PLCL2: variants seen among roughly 807,000 people sequenced by gnomAD.
PLCL2 encodes the protein phospholipase C like 2, also known as inactive phospholipase C-like protein 2.
PLCL2 carries 4 observed loss-of-function variants against 79.6 expected under a neutral mutation model. The ratio of observed to expected loss-of-function variants is 0.05; its 90% CI spans 0.02 to 0.11. The LOEUF is 0.11. Ranked by LOEUF, PLCL2 falls within the 10% of genes least tolerant of loss-of-function variation. PLCL2 has a pLI of 1.00. For missense variants in PLCL2, 895 were observed against 1,291.0 expected, an observed-to-expected ratio of 0.69 and a Z score of 4.70; for synonymous variants, 484 against 457.7, an observed-to-expected ratio of 1.06 and a Z score of -0.73.
intron 1 of PLCL2, among the ~76,000 whole-genome samples, chr3:16,973,676 T>A (rs2063896475): frequency 6.6e-6 from 1 of 152,216 alleles, no homozygotes; most frequent in Non-Finnish European, 1.5e-5. Context: ...ATACCTCTGC[T>A]GCTGTTGTCA....
intron 4 of PLCL2, chr3:17,044,083 G>A (rs1195859386): frequency 1.3e-5 from 2 of 152,380 alleles, no homozygotes; most frequent in East Asian, 1.9e-4. Context: ...TCAAGTTGGT[G>A]TGTGAGGCAC....
chr3:17,042,393 A>C (rs999693692), intron 3 of PLCL2, among the ~76,000 whole-genome samples: 1 of 152,246 alleles, frequency 6.6e-6, no homozygotes, highest in Admixed American at 6.5e-5. Context: ...ATGGTATCAA[A>C]TAAATAAATG....
At chr3:16,928,800 G>T (rs1257453682) in intron 1 of PLCL2, among the ~76,000 whole-genome samples, 1 of 152,172 alleles carries the variant, frequency 6.6e-6, no homozygotes, top group Non-Finnish European at 1.5e-5. Flanking sequence ...TATAAGAAAT[G>T]CTTAGTAAAT....
chr3:16,890,132 T>G (rs1696313224), intron 1 of PLCL2, among the ~76,000 whole-genome samples: 1 of 152,226 alleles, frequency 6.6e-6, no homozygotes, highest in East Asian at 1.9e-4. Context: ...CTCAAAGAGC[T>G]TTTGTCACAA....
At chr3:17,002,934 G>A (rs999142303) in intron 1 of PLCL2, among the ~76,000 whole-genome samples, 1 of 151,326 alleles carries the variant, frequency 6.6e-6, no homozygotes, top group Middle Eastern at 3.4e-3. Flanking sequence ...TTTTTTAACA[G>A]TATTTCCTTT....
At chr3:16,969,541 G>C (rs984300308) in intron 1 of PLCL2, among the ~76,000 whole-genome samples, 3 of 151,988 alleles carry the variant, frequency 2.0e-5, no homozygotes, top group Admixed American at 2.0e-4. Flanking sequence ...GGTTTTCATA[G>C]TAGTCTCTGA....
chr3:17,089,597 T>C, intron 5 of PLCL2, 136 bp from the exon 6 acceptor site: 1 of 622,452 alleles, frequency 1.6e-6, no homozygotes, highest in East Asian at 2.8e-5. Context: ...CCTATTCAGA[T>C]GCAGTGCCAA....
At chr3:16,998,014 TGAA>T (rs2064171315) in intron 1 of PLCL2, among the ~76,000 whole-genome samples, 1 of 152,190 alleles carries the variant, frequency 6.6e-6, no homozygotes, top group South Asian at 2.1e-4. Flanking sequence ...ATTTCTGACT[TGAA>T]GAGTTACTAT....
chr3:16,923,768 G>C (rs938655284), intron 1 of PLCL2, among the ~76,000 whole-genome samples: 1 of 151,930 alleles, frequency 6.6e-6, no homozygotes, highest in Non-Finnish European at 1.5e-5. Flanking sequence ...ATAATTAATG[G>C]TGTCCTACCA....
intron 3 of PLCL2, among the ~76,000 whole-genome samples, chr3:17,022,701 G>T (rs561872605): frequency 6.6e-6 from 1 of 152,140 alleles, no homozygotes; most frequent in African/African-American, 2.4e-5. Context: ...TTGAGTGGAG[G>T]AGGCAATGCT....
chr3:16,983,502 G>T (rs2064020329), intron 1 of PLCL2, among the ~76,000 whole-genome samples: 2 of 152,076 alleles, frequency 1.3e-5, no homozygotes, highest in African/African-American at 2.4e-5. Flanking sequence ...AACCCCGTCT[G>T]TACCAAAAAT....
At chr3:16,926,693 G>A (rs551522116) in intron 1 of PLCL2, among the ~76,000 whole-genome samples, 2 of 151,586 alleles carry the variant, frequency 1.3e-5, no homozygotes, top group East Asian at 1.9e-4. Flanking sequence ...GTGCAGTGGT[G>A]CAATCTTGGC....
At chr3:17,080,030 GCTT>G (rs1252569901) in intron 5 of PLCL2, among the ~76,000 whole-genome samples, 1 of 152,180 alleles carries the variant, frequency 6.6e-6, no homozygotes, top group African/African-American at 2.4e-5. Flanking sequence ...CCCTCTGGCA[GCTT>G]CTTTGCACCC....
intron 4 of PLCL2, among the ~76,000 whole-genome samples, chr3:17,059,467 T>C (rs1328205192): frequency 3.1e-5 from 2 of 64,084 alleles, no homozygotes; most frequent in Admixed American, 1.6e-4. Flanking sequence ...TATATGTGTA[T>C]ATGTATTTCT....
intron 1 of PLCL2, among the ~76,000 whole-genome samples, chr3:16,950,714 C>G (rs1455588790): frequency 6.6e-6 from 1 of 151,914 alleles, no homozygotes; most frequent in African/African-American, 2.4e-5. Context: ...ACTTCTATTT[C>G]TAGCATGTTG....
chr3:17,035,230 A>G (rs1272893888), intron 3 of PLCL2, among the ~76,000 whole-genome samples: 1 of 152,040 alleles, frequency 6.6e-6, no homozygotes, highest in African/African-American at 2.4e-5. Context: ...CTAAGCTGGA[A>G]GTTCACATCC....
At chr3:17,081,455 T>G (rs994288477) in intron 5 of PLCL2, 1 of 294,576 alleles carries the variant, frequency 3.4e-6, no homozygotes, top group African/African-American at 2.2e-5. Flanking sequence ...TAATAGATAG[T>G]TGGACAAAAG....
chr3:16,963,455 A>C (rs1304848465), intron 1 of PLCL2, among the ~76,000 whole-genome samples: 2 of 152,178 alleles, frequency 1.3e-5, no homozygotes, highest in East Asian at 3.8e-4. Flanking sequence ...AATTGTTAGC[A>C]ATTCATGAAT....
At chr3:16,896,537 A>G (rs183660916) in intron 1 of PLCL2, among the ~76,000 whole-genome samples, 6 of 152,318 alleles carry the variant, frequency 3.9e-5, no homozygotes, top group African/African-American at 1.4e-4. Context: ...ATATTTGAAA[A>G]TGTGCTGCTC....
Sources: allele counts gnomAD v4.1 joint callset (sites outside exome capture counted in the v4.1 genomes callset), GRCh38; gene constraint gnomAD v4.1.1; transcripts MANE v1.5; gene names NCBI Gene and HGNC (gene_info 2026-07-23, HGNC 2026-07-21).